Variants in GAS2 observed in about 807,000 individuals in gnomAD.
The protein encoded by GAS2 is growth arrest-specific protein 2.
GAS2 carries 20 observed loss-of-function variants against 37.5 expected under a neutral mutation model. The observed-to-expected ratio is 0.53, with a 90% CI of 0.37 to 0.77. GAS2 has a LOEUF of 0.77. Among genes scored for constraint, GAS2 ranks in the 30% least tolerant of loss-of-function variants. GAS2 has a pLI of 0.00. For missense variants in GAS2, 336 were observed against 373.4 expected (o/e 0.90, Z 0.82); for synonymous variants, 144 against 132.2 (o/e 1.09, Z -0.61).
At chr11:22,656,585 A>G (rs1848857547) in intron 1 of GAS2, among the ~76,000 whole-genome samples, 1 of 152,222 alleles carries the variant, frequency 6.6e-6, no homozygotes, top group Non-Finnish European at 1.5e-5. Flanking sequence ...AGAAGTAAAC[A>G]GTTTGCTTTC....
At chr11:22,626,150 C>A (rs113462679) in intron 1 of GAS2, 23 of 366,074 alleles carry the variant, frequency 6.3e-5, no homozygotes, top group Non-Finnish European at 1.1e-4. Flanking sequence ...ATTTTCTGAG[C>A]TTTGCCTAAA....
intron 7 of GAS2, among the ~76,000 whole-genome samples, chr11:22,760,259 G>T (rs1042711421): frequency 6.6e-6 from 1 of 152,030 alleles, no homozygotes; most frequent in Non-Finnish European, 1.5e-5. Context: ...GGGATTACAG[G>T]CATGAGCCAC....
At chr11:22,736,160 G>C (rs1852744198) in intron 4 of GAS2, among the ~76,000 whole-genome samples, 1 of 151,854 alleles carries the variant, frequency 6.6e-6, no homozygotes. Flanking sequence ...CTTTGTGCTG[G>C]AATTTATTTA....
intron 5 of GAS2, among the ~76,000 whole-genome samples, chr11:22,739,398 C>A (rs1043080581): frequency 7.3e-5 from 11 of 151,472 alleles, no homozygotes; most frequent in Admixed American, 7.2e-4. Flanking sequence ...CAGAATGAAA[C>A]CCTGTCTATA....
intron 7 of GAS2, among the ~76,000 whole-genome samples, chr11:22,789,963 C>T (rs1179489767): frequency 6.6e-6 from 1 of 152,050 alleles, no homozygotes; most frequent in Non-Finnish European, 1.5e-5. Flanking sequence ...AAACATGGCT[C>T]TCCGGGTCTG....
At chr11:22,681,939 G>A (rs1849701876) in intron 2 of GAS2, among the ~76,000 whole-genome samples, 1 of 151,650 alleles carries the variant, frequency 6.6e-6, no homozygotes, top group African/African-American at 2.4e-5. Flanking sequence ...ATCATACATT[G>A]ATTGTAATCA....
intron 1 of GAS2, among the ~76,000 whole-genome samples, chr11:22,660,017 C>A (rs1848898929): frequency 6.6e-6 from 1 of 152,116 alleles, no homozygotes; most frequent in Non-Finnish European, 1.5e-5. Context: ...GGGAAATGAG[C>A]ATATGTTCAA....
rs1234363768 is a variant in GAS2, at chr11:22,637,243, T to C, written c.-21+11430T>C. On this transcript the variant is annotated intron_variant, in intron 1 of 5. Transcript: ENST00000528582. ...TAGTATACTAATATAATATTAATTA[T>C]ATTAATAGTATACTAATATATTAAT... Among the ~76,000 whole-genome samples, 4 of 46,318 alleles carry C rather than the reference T, an allele frequency of 8.6e-5. 1 individual carries two copies. The highest frequency in any genetic ancestry group is 1.6e-4 in the Non-Finnish European group (4 of 24,746). The allele number at this position is 46,318 out of a possible 152,430, so 30.4% of individuals were successfully genotyped here. A position where few individuals can be genotyped will look rare whatever the true frequency, so the allele number is the denominator to read the frequency against.
chr11:22,641,218 A>ATATATATATG (rs1471968085), intron 1 of GAS2, among the ~76,000 whole-genome samples: 3 of 142,202 alleles, frequency 2.1e-5, no homozygotes, highest in African/African-American at 7.7e-5. Context: ...ATATATATAT[A>ATATATATATG]TGTGTGTGTG....
chr11:22,742,373 G>A (rs1853136481), intron 5 of GAS2, among the ~76,000 whole-genome samples: 1 of 152,112 alleles, frequency 6.6e-6, no homozygotes, highest in South Asian at 2.1e-4. Flanking sequence ...GTGGTATAGA[G>A]TTCATGGAAA....
chr11:22,658,177 C>G (rs901235398), intron 1 of GAS2, among the ~76,000 whole-genome samples: 2 of 152,084 alleles, frequency 1.3e-5, no homozygotes, highest in African/African-American at 4.8e-5. Flanking sequence ...AGGTGCCCAC[C>G]ACCATGCTCA....
chr11:22,760,137 A>T (rs975468278), intron 7 of GAS2, among the ~76,000 whole-genome samples: 17 of 144,226 alleles, frequency 1.2e-4, no homozygotes, highest in African/African-American at 3.3e-4. Context: ...TTAATTTTTA[A>T]TTTTTTTTTT....
intron 7 of GAS2, among the ~76,000 whole-genome samples, chr11:22,804,831 A>T (rs1388197379): frequency 6.6e-6 from 1 of 152,060 alleles, no homozygotes; most frequent in African/African-American, 2.4e-5. Flanking sequence ...AATAGATAAA[A>T]ATGGGAAATG....
chr11:22,786,373 G>A (rs1433724186), intron 7 of GAS2, among the ~76,000 whole-genome samples: 1 of 152,086 alleles, frequency 6.6e-6, no homozygotes, highest in Non-Finnish European at 1.5e-5. Flanking sequence ...TAACCAATAA[G>A]ATCAGCTGCA....
At chr11:22,633,149 G>A (rs986053445) in intron 1 of GAS2, among the ~76,000 whole-genome samples, 1 of 152,124 alleles carries the variant, frequency 6.6e-6, no homozygotes, top group Non-Finnish European at 1.5e-5. Context: ...TATTGCTAGA[G>A]TTGTTTTTCT....
At chr11:22,662,921 G>A (rs1035873040), upstream of GAS2, among the ~76,000 whole-genome samples, 3 of 152,046 alleles carry the variant, frequency 2.0e-5, no homozygotes, top group Non-Finnish European at 2.9e-5. Context: ...AGCCACAGTT[G>A]GTGGCTGTGT....
chr11:22,652,912 G>A (rs923736992), intron 1 of GAS2, among the ~76,000 whole-genome samples: 14 of 151,924 alleles, frequency 9.2e-5, no homozygotes, highest in South Asian at 2.1e-4. Context: ...GCTGTAGACC[G>A]GAGCGGTTCC....
At chr11:22,785,700 C>T (rs1855786045) in intron 7 of GAS2, among the ~76,000 whole-genome samples, 1 of 151,978 alleles carries the variant, frequency 6.6e-6, no homozygotes, top group African/African-American at 2.4e-5. Flanking sequence ...AAGCTGCTTG[C>T]CATTCAAAGT....
At chr11:22,737,029 A>G (rs115051338) in intron 4 of GAS2, among the ~76,000 whole-genome samples, 1,679 of 152,280 alleles carry the variant, frequency 0.011, 38 homozygotes, top group African/African-American at 0.039. Flanking sequence ...AGAAATATCA[A>G]TTCAAAGTAT....
Sources: allele counts gnomAD v4.1 joint callset (sites outside exome capture counted in the v4.1 genomes callset), GRCh38; gene constraint gnomAD v4.1.1; transcripts MANE v1.5; gene names NCBI Gene and HGNC (gene_info 2026-07-23, HGNC 2026-07-21).